The following SFSWAP variants were observed in gnomAD, a reference collection of about 807,000 sequenced individuals.
SFSWAP encodes splicing factor, suppressor of white-apricot homolog.
SFSWAP carries 17 observed loss-of-function variants against 100.7 expected under a neutral mutation model. The ratio of observed to expected loss-of-function variants is 0.17; its 90% CI spans 0.12 to 0.25. The LOEUF (loss-of-function observed/expected upper bound fraction) is 0.25. Among genes scored for constraint, SFSWAP ranks in the 10% least tolerant of loss-of-function variants. SFSWAP has a pLI of 1.00. For missense variants in SFSWAP, 1,005 were observed against 1,262.6 expected, an observed-to-expected ratio of 0.80 and a Z score of 3.09; for synonymous variants, 504 against 510.1, an observed-to-expected ratio of 0.99 and a Z score of 0.16.
intron 7 of SFSWAP, among the ~76,000 whole-genome samples, chr12:131,737,031 T>TA (rs1404580881): frequency 1.3e-5 from 2 of 152,278 alleles, no homozygotes; most frequent in African/African-American, 4.8e-5. Context: ...GCCACATAGA[T>TA]ACTCATCATA....
At chr12:131,752,464 C>T (rs1321513891) in intron 7 of SFSWAP, among the ~76,000 whole-genome samples, 1 of 152,164 alleles carries the variant, frequency 6.6e-6, no homozygotes, top group Non-Finnish European at 1.5e-5. Context: ...GTGTGCACAG[C>T]ATAGGTGGCA....
chr12:131,757,713 C>T (rs938327447), intron 11 of SFSWAP, among the ~76,000 whole-genome samples: 1 of 152,104 alleles, frequency 6.6e-6, no homozygotes, highest in African/African-American at 2.4e-5. Flanking sequence ...GATCATTCAG[C>T]GAAACCAAAT....
chr12:131,741,291 G>A (rs550369058), intron 7 of SFSWAP, among the ~76,000 whole-genome samples: 16 of 152,082 alleles, frequency 1.1e-4, no homozygotes, highest in Non-Finnish European at 2.1e-4. Flanking sequence ...ATACAATTTT[G>A]ATGTCATAAA....
chr12:131,792,660 G>C (rs1176294243), intron 15 of SFSWAP, among the ~76,000 whole-genome samples: 1 of 152,222 alleles, frequency 6.6e-6, no homozygotes, highest in Non-Finnish European at 1.5e-5. Context: ...TGTGTTCACA[G>C]ACCAGTGCTG....
intron 13 of SFSWAP, among the ~76,000 whole-genome samples, chr12:131,776,982 C>T (rs1307833299): frequency 1.3e-5 from 2 of 152,144 alleles, no homozygotes; most frequent in Non-Finnish European, 2.9e-5. Flanking sequence ...ATGTATGTAA[C>T]ACTCAGATGG....
intron 7 of SFSWAP, among the ~76,000 whole-genome samples, chr12:131,741,371 C>T (rs534970591): frequency 1.3e-5 from 2 of 152,244 alleles, no homozygotes; most frequent in East Asian, 1.9e-4. Context: ...CATGGTGGCT[C>T]ACACCTGTAG....
chr12:131,753,035 CG>C, intron 7 of SFSWAP, 87 bp from the exon 8 acceptor site: 1 of 1,560,634 alleles, frequency 6.4e-7, no homozygotes, highest in Non-Finnish European at 8.7e-7. Context: ...TGCATCTTGC[CG>C]GGGGAAGGGC....
In SFSWAP at chr12:131,728,283, C is replaced by T. The variant is rs775212941; in HGVS notation, c.946-10C>T. On this transcript the variant is annotated splice_polypyrimidine_tract_variant and intron_variant, in intron 6 of 17. Transcript: ENST00000261674. ...ATTGAATGCTAAGGCTGTGTCTTCT[C>T]TGTTTCCAGCCCTTGAAGGTAGTGG... 133 of 1,614,040 alleles carry T rather than the reference C, an allele frequency of 8.2e-5. 1 individual carries two copies. In the South Asian group the frequency reaches 1.2e-3, roughly 15 times the overall value.
chr12:131,740,978 T>TC (rs1263481634), intron 7 of SFSWAP, among the ~76,000 whole-genome samples: 8 of 137,200 alleles, frequency 5.8e-5, no homozygotes, highest in Non-Finnish European at 1.3e-4. Context: ...TTTTTTTTTT[T>TC]TTTTTTTTTT....
intron 13 of SFSWAP, among the ~76,000 whole-genome samples, chr12:131,772,307 G>A (rs540221987): frequency 6.6e-6 from 1 of 152,294 alleles, no homozygotes; most frequent in East Asian, 1.9e-4. Flanking sequence ...TTGATCGTTA[G>A]GAAAGGTGAT....
chr12:131,747,497 GA>G (rs1037457045), intron 7 of SFSWAP, among the ~76,000 whole-genome samples: 19 of 152,248 alleles, frequency 1.2e-4, no homozygotes, highest in Admixed American at 6.5e-5. Context: ...GGGCTTCCCA[GA>G]CAAGGGACTT....
Position 131,714,317 on chromosome 12 carries a change from T to C in SFSWAP, c.388+77T>C. ...GTATTTAAAAATTTACTCCCATTCATTTTTTTATACTCACTCTTTCTGATA... is the reference window on the plus strand; with the variant it reads ...GTATTTAAAAATTTACTCCCATTCACTTTTTTATACTCACTCTTTCTGATA... On this transcript the variant is annotated intron_variant, in intron 2 of 17. Coordinates refer to ENST00000261674, the MANE Select transcript of SFSWAP (RefSeq NM_004592.4). The surrounding 1 kb of genome is among the most constrained non-coding windows in gnomAD (Gnocchi z 6.0). 1 of 1,196,896 alleles carries C rather than the reference T, an allele frequency of 8.4e-7. No individual in the cohort carries two copies. Among genetic ancestry groups the C allele is most frequent in the Non-Finnish European group, 1.2e-6 (1 of 847,820 alleles). The allele number at this position is 1,196,896 out of a possible 1,614,324, so 74.1% of individuals were successfully genotyped here. A position where few individuals can be genotyped will look rare whatever the true frequency, so the allele number is the denominator to read the frequency against.
At chr12:131,743,172 C>G (rs1045924738) in intron 7 of SFSWAP, among the ~76,000 whole-genome samples, 2 of 152,110 alleles carry the variant, frequency 1.3e-5, no homozygotes, top group African/African-American at 4.8e-5. Flanking sequence ...CCCCTCTCAC[C>G]CCTCCCAAGT....
chr12:131,724,334 T>C (rs967723444), intron 4 of SFSWAP, among the ~76,000 whole-genome samples: 4 of 152,236 alleles, frequency 2.6e-5, no homozygotes, highest in African/African-American at 7.2e-5. Flanking sequence ...GTTTTAACAA[T>C]GAATAACCAG....
At chr12:131,751,574 G>T (rs978284199) in intron 7 of SFSWAP, among the ~76,000 whole-genome samples, 2 of 152,272 alleles carry the variant, frequency 1.3e-5, no homozygotes, top group Non-Finnish European at 2.9e-5. Flanking sequence ...GATGGCTCCA[G>T]CAGGGAGTGG....
rs764742197 is a variant in SFSWAP, at chr12:131,734,873, G to A, written c.1081+6445G>A. ...TGACGGAGCTGCTGCTGCTGCAGCC[G>A]CAGATACCATCTCAGCCGGCATGGC... On this transcript the variant is annotated intron_variant, in intron 7 of 17. Transcript: ENST00000261674. The surrounding 1 kb of genome is among the most constrained non-coding windows in gnomAD (Gnocchi z 4.9). Among the ~76,000 whole-genome samples the A allele has an allele frequency of 4.8e-4, 69 of 144,996 alleles. No homozygotes were observed. Among genetic ancestry groups the A allele is most frequent in the Non-Finnish European group, 8.7e-4 (57 of 65,862 alleles).
intron 7 of SFSWAP, among the ~76,000 whole-genome samples, chr12:131,749,141 G>T (rs965968637): frequency 2.0e-5 from 3 of 152,212 alleles, no homozygotes; most frequent in Admixed American, 1.3e-4. Flanking sequence ...TACTGTAGGT[G>T]CCCTGAGCAC....
Position 131,753,314 on chromosome 12 carries a change from A to G in SFSWAP, c.1273A>G (p.Thr425Ala), listed in dbSNP as rs904213847. ...PPGTTPLPPP[T>A]TAETSSGATS... ...TGGGACCACACCACTACCGCCCCCAACCACAGCAGAGACTAGCAGCGGGGC... is the reference window on the plus strand; with the variant it reads ...TGGGACCACACCACTACCGCCCCCAGCCACAGCAGAGACTAGCAGCGGGGC... The change falls in exon 8 of 18, where the codon ACC (threonine) becomes GCC (alanine). Residue 425 changes from threonine (T) to alanine (A), a missense_variant. By Grantham distance (58) the Thr-to-Ala change is moderately conservative. Around this residue, in one of 7 missense-constraint regions of SFSWAP, gnomAD observed 311 missense variants for 317.8 expected, o/e 0.98. Coordinates refer to ENST00000261674, the MANE Select transcript of SFSWAP (RefSeq NM_004592.4). 9.3e-6 allele frequency: 15 copies of G among 1,612,084 alleles called. No individual in the cohort carries two copies. The highest frequency in any genetic ancestry group is 1.2e-5 in the Non-Finnish European group (14 of 1,178,340).
intron 1 of SFSWAP, chr12:131,712,909 C>G (rs1368311812): frequency 6.6e-6 from 1 of 152,134 alleles, no homozygotes; most frequent in Non-Finnish European, 1.5e-5. Context: ...TCTTCCAAAA[C>G]TGGTGGGGAG....
Sources: gnomAD v4.1 joint callset for allele counts (sites outside exome capture counted in the v4.1 genomes callset) on GRCh38, gnomAD v4.1.1 for gene constraint, gnomAD v4.1.1 regional missense constraint, Gnocchi (gnomAD v3.1) non-coding constraint, MANE v1.5 for transcripts, NCBI Gene and HGNC (gene_info 2026-07-23, HGNC 2026-07-21) for gene names.